NFIX: variants seen among roughly 807,000 people sequenced by gnomAD.
NFIX encodes the protein nuclear factor I X.
A neutral mutation model predicts 53.3 loss-of-function variants in NFIX; 2 were observed. The ratio of observed to expected loss-of-function variants is 0.04; its 90% CI spans 0.02 to 0.12. The LOEUF (loss-of-function observed/expected upper bound fraction) is 0.12. NFIX is among the 10% of genes least tolerant of loss of function. The pLI, the probability that NFIX is intolerant of heterozygous loss-of-function variation, is 1.00. For synonymous variants in NFIX, 244 were observed against 289.0 expected (o/e 0.84, Z 1.58); for missense variants, 310 against 674.5 (o/e 0.46, Z 5.99).
chr19:13,076,246 T>C (rs1008585237), intron 6 of NFIX, among the ~76,000 whole-genome samples: 3 of 152,074 alleles, frequency 2.0e-5, no homozygotes, highest in African/African-American at 7.2e-5. Flanking sequence ...AGAGAGAGGC[T>C]CAGAGTCTAG....
In NFIX at chr19:13,006,678, G is replaced by A. The variant is rs1483409778; in HGVS notation, c.27+10814G>A. Among the ~76,000 whole-genome samples the A allele has an allele frequency of 6.6e-6, 1 of 152,214 alleles. No homozygotes were observed. Among genetic ancestry groups the A allele is most frequent in the Non-Finnish European group, 1.5e-5 (1 of 68,020 alleles). Reference sequence around the variant, plus strand: ...GGCTGCGCCATCTTTGCAGGGTCTTGGGGATCTGCCCACAGCTTGGGGGTA... The same window carrying A: ...GGCTGCGCCATCTTTGCAGGGTCTTAGGGATCTGCCCACAGCTTGGGGGTA... On this transcript the variant is annotated intron_variant, in intron 1 of 10. Coordinates refer to ENST00000592199, the MANE Select transcript of NFIX (RefSeq NM_001365902.3). This position sits in a 1 kb window ranked among gnomAD's most constrained non-coding sequence, Gnocchi z 5.6.
rs554897010 is a variant in NFIX, at chr19:13,089,946, C to T, written c.1403-353C>T. ...CCAGCCCTGCCCAGTGCCTCACTAG[C>T]GGGTGGAACTGGGTCCAGGAGACTT... On this transcript the variant is annotated intron_variant, in intron 9 of 10. Coordinates refer to ENST00000592199, the MANE Select transcript of NFIX (RefSeq NM_001365902.3). This position sits in a 1 kb window ranked among gnomAD's most constrained non-coding sequence, Gnocchi z 4.8. Among the ~76,000 whole-genome samples, 13 of 152,238 alleles carry T rather than the reference C, an allele frequency of 8.5e-5. No homozygotes were observed. The highest frequency in any genetic ancestry group is 8.8e-5 in the Non-Finnish European group (6 of 67,986).
intron 1 of NFIX, among the ~76,000 whole-genome samples, chr19:13,017,125 G>A (rs912805620): frequency 1.5e-4 from 23 of 152,116 alleles, no homozygotes; most frequent in Non-Finnish European, 3.2e-4. Context: ...GAGACTTCCC[G>A]TGCAAACAGT....
In NFIX at chr19:13,005,018, T is replaced by C. The variant is rs572162188; in HGVS notation, c.27+9154T>C. On this transcript the variant is annotated intron_variant, in intron 1 of 10. Coordinates refer to ENST00000592199, the MANE Select transcript of NFIX (RefSeq NM_001365902.3). The surrounding 1 kb of genome is among the most constrained non-coding windows in gnomAD (Gnocchi z 4.7). ...TTTTAGTAGAGACAGGGTTTCTCCATGTTGGCCAGACTGGTCTCAAACTCC... is the reference window on the plus strand; with the variant it reads ...TTTTAGTAGAGACAGGGTTTCTCCACGTTGGCCAGACTGGTCTCAAACTCC... 1.4e-4 allele frequency among the ~76,000 whole-genome samples: 22 copies of C among 152,118 alleles called. No individual in the cohort carries two copies. Among genetic ancestry groups the C allele is most frequent in the Non-Finnish European group, 2.9e-4 (20 of 68,006 alleles).
At position 13,088,719 on chromosome 19, in the gene NFIX, T is replaced by TC. The variant is rs372270339; in HGVS notation, c.1402+590dup. Among the ~76,000 whole-genome samples the TC allele has an allele frequency of 6.5e-3, 980 of 151,060 alleles. 15 individuals are homozygous for TC. Among genetic ancestry groups the TC allele is most frequent in the African/African-American group, 0.023 (934 of 41,130 alleles). ...GTTTCTCGTTGTTCCTCTTTTTTTT[T>TC]CCCCCCCTTCCATCCCTCTCCCGTC... On this transcript the variant is annotated intron_variant, in intron 9 of 10. Transcript: ENST00000592199. This position sits in a 1 kb window ranked among gnomAD's most constrained non-coding sequence, Gnocchi z 5.9.
chr19:13,042,760 C>T (rs1344647272), intron 2 of NFIX, among the ~76,000 whole-genome samples: 3 of 114,590 alleles, frequency 2.6e-5, no homozygotes, highest in African/African-American at 1.0e-4. Flanking sequence ...AGTTGTGTTG[C>T]GTTCATCCCC....
chr19:13,010,830 C>G (rs544607442), intron 1 of NFIX, among the ~76,000 whole-genome samples: 18 of 152,300 alleles, frequency 1.2e-4, no homozygotes, highest in Admixed American at 5.2e-4. Context: ...CAGGTTGTTG[C>G]GGGAGCCGGC....
intron 1 of NFIX, among the ~76,000 whole-genome samples, chr19:13,018,783 C>T (rs895997639): frequency 1.3e-5 from 2 of 152,222 alleles, no homozygotes; most frequent in Non-Finnish European, 2.9e-5. Context: ...TGGCCTTCCA[C>T]GAAGCAGCAG....
intron 2 of NFIX, among the ~76,000 whole-genome samples, chr19:13,059,514 C>T (rs1249436137): frequency 6.6e-6 from 1 of 152,212 alleles, no homozygotes; most frequent in Non-Finnish European, 1.5e-5. Context: ...CAGGCAAATC[C>T]CTCCTTCCAG....
intron 1 of NFIX, among the ~76,000 whole-genome samples, chr19:13,019,021 A>C (rs1310046558): frequency 6.6e-6 from 1 of 152,184 alleles, no homozygotes; most frequent in Admixed American, 6.5e-5. Context: ...TATTTGCTCT[A>C]ATTGCCTGTA....
intron 2 of NFIX, among the ~76,000 whole-genome samples, chr19:13,029,015 T>G (rs2013590039): frequency 6.6e-6 from 1 of 152,228 alleles, no homozygotes. Flanking sequence ...ATCCCTCCTG[T>G]GCGCCTGCAG....
At position 13,081,598 on chromosome 19, in the gene NFIX, G is replaced by A. The variant is rs1213147140; in HGVS notation, c.1079-82G>A. ...CAGGATCCTCAGGACCCTCTGACCG[G>A]CAGCTCCCCTCCTCTCCTGTCCCTC... On this transcript the variant is annotated intron_variant, in intron 7 of 10. Coordinates refer to ENST00000592199, the MANE Select transcript of NFIX (RefSeq NM_001365902.3). The surrounding 1 kb of genome is among the most constrained non-coding windows in gnomAD (Gnocchi z 4.7). 6 of 1,445,762 alleles carry A rather than the reference G, an allele frequency of 4.2e-6. No homozygotes were observed. Among genetic ancestry groups the A allele is most frequent in the Admixed American group, 2.0e-5 (1 of 50,990 alleles). The allele number at this position is 1,445,762 out of a possible 1,614,324, so 89.6% of individuals were successfully genotyped here. A position where few individuals can be genotyped will look rare whatever the true frequency, so the allele number is the denominator to read the frequency against.
At chr19:13,087,012 A>G (rs2017819333) in intron 8 of NFIX, among the ~76,000 whole-genome samples, 1 of 152,166 alleles carries the variant, frequency 6.6e-6, no homozygotes, top group Admixed American at 6.5e-5. Context: ...CTGGTTTAGG[A>G]TGAAGAGCGC....
chr19:13,064,849 T>G (rs926735224), intron 2 of NFIX, among the ~76,000 whole-genome samples: 2 of 152,130 alleles, frequency 1.3e-5, no homozygotes, highest in African/African-American at 4.8e-5. Flanking sequence ...GTAATCCAGG[T>G]GGAAGGACAG....
chr19:13,088,149 T>G lies in NFIX; in HGVS notation c.1402+13T>G. 6.5e-7 allele frequency: 1 copy of G among 1,536,352 alleles called. No individual in the cohort carries two copies. Among genetic ancestry groups the G allele is most frequent in the Non-Finnish European group, 8.7e-7 (1 of 1,146,820 alleles). On this transcript the variant is annotated intron_variant, in intron 9 of 10. Coordinates refer to ENST00000592199, the MANE Select transcript of NFIX (RefSeq NM_001365902.3). This position sits in a 1 kb window ranked among gnomAD's most constrained non-coding sequence, Gnocchi z 5.9. ...CCTCCATCACCTTGTAAGTGGACGA[T>G]GAAACCGAAACCACAACGCCCAGCG...
rs2016036933 is a variant in NFIX, at chr19:13,060,944, A to AT, written c.560-12097dup. Among the ~76,000 whole-genome samples the AT allele has an allele frequency of 1.3e-5, 2 of 149,974 alleles. No individual in the cohort carries two copies. Among genetic ancestry groups the AT allele is most frequent in the African/African-American group, 4.9e-5 (2 of 40,528 alleles). On this transcript the variant is annotated intron_variant, in intron 2 of 10. Transcript: ENST00000592199. This position sits in a 1 kb window ranked among gnomAD's most constrained non-coding sequence, Gnocchi z 4.3. The stretch of plus-strand genomic sequence containing the variant: ...TCCTGATCTCTGACTTTTATTCTCC[A>AT]TTTTTTCACTTTTTATGGGGATGGG...
intron 1 of NFIX, among the ~76,000 whole-genome samples, chr19:13,019,118 A>ATT (rs34772188): frequency 0.011 from 1,609 of 148,878 alleles, 20 homozygotes; most frequent in African/African-American, 0.03. Flanking sequence ...GACACATAGG[A>ATT]TTTTTTTTTT....
In NFIX at chr19:13,073,133, C is replaced by T. The variant is rs952512863; in HGVS notation, c.622+24C>T. 6 of 1,612,560 alleles carry T rather than the reference C, an allele frequency of 3.7e-6. No individual in the cohort carries two copies. The highest frequency in any genetic ancestry group is 5.1e-6 in the Non-Finnish European group (6 of 1,178,556). ...CGGTCAGTGCCCCCCACCTGCCCAG[C>T]TGCCCTTATCCTTCATGCCCCTCCA... On this transcript the variant is annotated intron_variant, in intron 3 of 10. Coordinates refer to ENST00000592199, the MANE Select transcript of NFIX (RefSeq NM_001365902.3). The surrounding 1 kb of genome is among the most constrained non-coding windows in gnomAD (Gnocchi z 4.5).
At position 13,060,765 on chromosome 19, in the gene NFIX, G is replaced by C. The variant is rs895459090; in HGVS notation, c.560-12282G>C. On this transcript the variant is annotated intron_variant, in intron 2 of 10. Transcript: ENST00000592199. The surrounding 1 kb of genome is among the most constrained non-coding windows in gnomAD (Gnocchi z 4.3). ...GCACTGCCCAGGGTCAGGGGGATGG[G>C]GGGGTCGGCCTCACCTCGGCTAACC... Among the ~76,000 whole-genome samples the C allele has an allele frequency of 2.0e-5, 3 of 152,064 alleles. No individual in the cohort carries two copies. Among genetic ancestry groups the C allele is most frequent in the African/African-American group, 7.2e-5 (3 of 41,496 alleles).
Sources: allele counts gnomAD v4.1 joint callset (sites outside exome capture counted in the v4.1 genomes callset), GRCh38; gene constraint gnomAD v4.1.1; non-coding constraint Gnocchi (gnomAD v3.1); transcripts MANE v1.5; gene names NCBI Gene and HGNC (gene_info 2026-07-23, HGNC 2026-07-21).